Variants in MID1 observed in about 807,000 individuals in gnomAD.
The protein encoded by MID1 is midline 1.
MID1 carries 7 observed loss-of-function variants against 40.4 expected under a neutral mutation model. That is an observed-to-expected ratio of 0.17 (90% CI 0.10 to 0.33). The LOEUF is 0.33. Ranked by LOEUF, MID1 falls within the 10% of genes least tolerant of loss-of-function variation. MID1 has a pLI of 1.00. For missense variants in MID1, 367 were observed against 558.5 expected (o/e 0.66, Z 3.46); for synonymous variants, 229 against 221.2 (o/e 1.04, Z -0.31).
chrX:10,804,792 T>C (rs2044031841), intron 1 of MID1, among the ~76,000 whole-genome samples: 1 of 111,652 alleles, frequency 9.0e-6, no homozygotes, highest in Non-Finnish European at 1.9e-5. Context: ...AGGTAATTTT[T>C]CTTCTACCAA....
intron 1 of MID1, among the ~76,000 whole-genome samples, chrX:10,717,913 A>C (rs1369611874): frequency 9.0e-6 from 1 of 111,524 alleles, no homozygotes; most frequent in African/African-American, 3.3e-5. Flanking sequence ...CGCTCAACTA[A>C]ATGGAAACTG....
intron 1 of MID1, among the ~76,000 whole-genome samples, chrX:10,821,146 C>A (rs1397021203): frequency 8.9e-6 from 1 of 111,848 alleles, no homozygotes; most frequent in Non-Finnish European, 1.9e-5. Context: ...AAATTTAAAG[C>A]ATTTTTATAA....
At chrX:10,586,527 T>A (rs1475867053) in intron 1 of MID1, among the ~76,000 whole-genome samples, 1 of 111,694 alleles carries the variant, frequency 9.0e-6, no homozygotes, top group Non-Finnish European at 1.9e-5. Flanking sequence ...ATACCAGGAG[T>A]AAGGTGGCGG....
At chrX:10,727,365 C>T (rs965196477) in intron 1 of MID1, among the ~76,000 whole-genome samples, 4 of 112,381 alleles carry the variant, frequency 3.6e-5, no homozygotes, top group African/African-American at 6.5e-5. Context: ...GTGATCCTCC[C>T]GCCTCAGCCT....
chrX:10,598,581 T>C (rs748193648), intron 1 of MID1, among the ~76,000 whole-genome samples: 1 of 112,223 alleles, frequency 8.9e-6, no homozygotes, highest in East Asian at 2.8e-4. Context: ...GAAAGAGGAA[T>C]TTAGAGAGAT....
intron 2 of MID1, among the ~76,000 whole-genome samples, chrX:10,534,892 C>T (rs997109623): frequency 3.5e-5 from 4 of 112,730 alleles, no homozygotes; most frequent in Admixed American, 1.9e-4. Flanking sequence ...CATTGTTTTT[C>T]AGCTCTGAAC....
chrX:10,458,295 G>T (rs1001768744), intron 8 of MID1, among the ~76,000 whole-genome samples: 21 of 112,145 alleles, frequency 1.9e-4, no homozygotes, highest in African/African-American at 6.8e-4. Flanking sequence ...ATTACTTTGA[G>T]AGGGTCTTTT....
At chrX:10,785,583 C>T (rs1168741578) in intron 1 of MID1, among the ~76,000 whole-genome samples, 95 of 110,868 alleles carry the variant, frequency 8.6e-4, no homozygotes, top group East Asian at 6.6e-3. Context: ...AAGGCTACAG[C>T]AACCAAAACA....
chrX:10,735,048 G>A (rs1245441616), intron 1 of MID1, among the ~76,000 whole-genome samples: 9 of 111,726 alleles, frequency 8.1e-5, no homozygotes, highest in Non-Finnish European at 1.5e-4. Flanking sequence ...ACTTCCCTTC[G>A]GTATCTCTTC....
intron 1 of MID1, among the ~76,000 whole-genome samples, chrX:10,787,414 C>T (rs936779723): frequency 1.9e-5 from 2 of 105,728 alleles, no homozygotes; most frequent in South Asian, 4.4e-4. Context: ...AATGTTTCCA[C>T]GTACTACTTG....
downstream of MID1, chrX:10,445,334 T>C (rs1043647827): frequency 1.8e-5 from 2 of 112,451 alleles, no homozygotes; most frequent in East Asian, 2.8e-4. Context: ...CTTTCTTTTA[T>C]TGTGTTTTAA....
intron 3 of MID1, among the ~76,000 whole-genome samples, chrX:10,510,505 T>C (rs1316115098): frequency 9.1e-6 from 1 of 110,381 alleles, no homozygotes; most frequent in Non-Finnish European, 1.9e-5. Flanking sequence ...CTTAAGTAGC[T>C]CTTATAAATC....
intron 2 of MID1, among the ~76,000 whole-genome samples, chrX:10,529,224 C>T (rs1220750139): frequency 1.8e-5 from 2 of 112,466 alleles, no homozygotes; most frequent in Middle Eastern, 4.6e-3. Context: ...CATGCCCATA[C>T]AGTTAATAAA....
intron 1 of MID1, among the ~76,000 whole-genome samples, chrX:10,724,361 G>A (rs956794846): frequency 5.4e-5 from 6 of 112,124 alleles, no homozygotes; most frequent in African/African-American, 1.9e-4. Context: ...GCCTCAGCAT[G>A]TTGTTTTTGA....
chrX:10,603,701 A>G (rs1325329743), intron 1 of MID1, among the ~76,000 whole-genome samples: 1 of 111,398 alleles, frequency 9.0e-6, no homozygotes, highest in Non-Finnish European at 1.9e-5. Context: ...GGGGCCAAAC[A>G]GGGGTAAAAG....
chrX:10,718,858 T>C (rs1013122257), intron 1 of MID1, among the ~76,000 whole-genome samples: 1 of 111,800 alleles, frequency 8.9e-6, no homozygotes, highest in Admixed American at 9.5e-5. Context: ...TATGATCAAG[T>C]GGGCTTCATC....
chrX:10,530,879 C>A (rs1932946561), intron 2 of MID1, among the ~76,000 whole-genome samples: 1 of 112,304 alleles, frequency 8.9e-6, no homozygotes, highest in African/African-American at 3.2e-5. Flanking sequence ...GAATTAATGA[C>A]TTGTCATTGA....
chrX:10,502,800 G>C (rs144865989), intron 3 of MID1, among the ~76,000 whole-genome samples: 1,607 of 112,006 alleles, frequency 0.014, 21 homozygotes, highest in South Asian at 0.028. Flanking sequence ...CTTGAGAAAG[G>C]CTGAAACATT....
chrX:10,684,980 C>A (rs2043084979), intron 1 of MID1, among the ~76,000 whole-genome samples: 1 of 111,406 alleles, frequency 9.0e-6, no homozygotes, highest in African/African-American at 3.3e-5. Context: ...GAATCATAGT[C>A]TTTTGTGTTT....
Sources: gnomAD v4.1 joint callset for allele counts (sites outside exome capture counted in the v4.1 genomes callset) on GRCh38, gnomAD v4.1.1 for gene constraint, MANE v1.5 for transcripts, NCBI Gene and HGNC (gene_info 2026-07-23, HGNC 2026-07-21) for gene names.